PCDHA1: variants seen among roughly 807,000 people sequenced by gnomAD.
PCDHA1 encodes protocadherin alpha 1.
PCDHA1 carries 42 observed loss-of-function variants against 61.3 expected under a neutral mutation model. The observed-to-expected ratio is 0.69, with a 90% CI of 0.54 to 0.89. PCDHA1 has a LOEUF of 0.89. Among genes scored for constraint, PCDHA1 ranks in the 40% least tolerant of loss-of-function variants. PCDHA1 has a pLI of 0.00. For synonymous variants in PCDHA1, 610 were observed against 553.8 expected (o/e 1.10, Z -1.43); for missense variants, 1,256 against 1,235.3 (o/e 1.02, Z -0.25).
chr5:140,823,259 A>T, intron 1 of PCDHA1: 10 of 1,613,038 alleles, frequency 6.2e-6, no homozygotes, highest in Non-Finnish European at 8.5e-6. Context: ...TCGCTGGTGG[A>T]GCGGCGGGTG....
intron 1 of PCDHA1, among the ~76,000 whole-genome samples, chr5:140,975,613 A>G (rs1482474647): frequency 1.3e-5 from 2 of 152,226 alleles, no homozygotes; most frequent in Non-Finnish European, 2.9e-5. Context: ...TGTCTTCCAC[A>G]TGGATTTCCA....
Position 140,853,606 on chromosome 5 carries a change from G to T in PCDHA1, c.2394+64922G>T. 3.0e-6 allele frequency: 3 copies of T among 987,448 alleles called. 1 individual carries two copies. The highest frequency in any genetic ancestry group is 3.7e-6 in the Non-Finnish European group (3 of 819,684). The allele number at this position is 987,448 out of a possible 1,614,324, so 61.2% of individuals were successfully genotyped here. A position where few individuals can be genotyped will look rare whatever the true frequency, so the allele number is the denominator to read the frequency against. On this transcript the variant is annotated intron_variant, in intron 1 of 3. Coordinates refer to ENST00000504120, the MANE Select transcript of PCDHA1 (RefSeq NM_018900.4). ...CTTAGACACTTTGAGAGCAAAGGGG[G>T]TGCTGTAAATAAGTATACAAGATCA...
rs782268949 is a variant in PCDHA1, at chr5:140,797,186, G to A, written c.2394+8502G>A. 3.7e-6 allele frequency: 6 copies of A among 1,614,172 alleles called. No individual in the cohort carries two copies. In the South Asian group the frequency reaches 6.6e-5, roughly 18 times the overall value. On this transcript the variant is annotated intron_variant, in intron 1 of 3. Transcript: ENST00000504120. ...GCGCCAGGAAAGCCCACGCTGGTGT[G>A]CTCCAGCGCCGTGGGGAGCTGGTCT...
At chr5:140,927,524 C>T in intron 1 of PCDHA1, 3 of 1,614,104 alleles carry the variant, frequency 1.9e-6, no homozygotes, top group Non-Finnish European at 2.5e-6. Flanking sequence ...GGCGGGCTAC[C>T]TGCCCGCTCA....
chr5:140,863,392 C>A (rs782692076), intron 1 of PCDHA1: 3 of 921,584 alleles, frequency 3.3e-6, no homozygotes, highest in Non-Finnish European at 3.4e-6. Context: ...CTCGTGCATG[C>A]CGGGCAAGCC....
At chr5:140,843,880 A>G in intron 1 of PCDHA1, 1 of 739,104 alleles carries the variant, frequency 1.4e-6, no homozygotes, top group Admixed American at 3.0e-5. Flanking sequence ...CAGTGGCATA[A>G]TACAGTATTA....
chr5:140,900,618 C>A (rs1382793608), intron 1 of PCDHA1, among the ~76,000 whole-genome samples: 1 of 152,180 alleles, frequency 6.6e-6, no homozygotes, highest in Non-Finnish European at 1.5e-5. Context: ...ATGTAGATTG[C>A]TTCCAAATCT....
At chr5:140,915,266 C>T (rs1554196835) in intron 1 of PCDHA1, among the ~76,000 whole-genome samples, 1 of 151,940 alleles carries the variant, frequency 6.6e-6, no homozygotes, top group Non-Finnish European at 1.5e-5. Context: ...TTATTTTTGA[C>T]CAGTTCATCA....
At chr5:140,967,046 C>T in intron 1 of PCDHA1, 1 of 1,612,334 alleles carries the variant, frequency 6.2e-7, no homozygotes, top group African/African-American at 1.3e-5. Context: ...GGAGCTGGAC[C>T]TGACGAGTGG....
intron 1 of PCDHA1, chr5:140,808,623 C>T (rs1181544885): frequency 6.2e-7 from 1 of 1,613,574 alleles, no homozygotes; most frequent in Non-Finnish European, 8.5e-7. Context: ...ACTGTGTCTG[C>T]GTGGGACGCG....
intron 1 of PCDHA1, among the ~76,000 whole-genome samples, chr5:140,820,967 C>T (rs960762202): frequency 6.6e-6 from 1 of 151,658 alleles, no homozygotes; most frequent in African/African-American, 2.4e-5. Flanking sequence ...TGAGTCAATA[C>T]AAAAAGTAGA....
At chr5:140,830,934 C>A in intron 1 of PCDHA1, 1 of 152,356 alleles carries the variant, frequency 6.6e-6, no homozygotes, top group Admixed American at 6.5e-5. Context: ...TCTGTCGACA[C>A]TTTTATTAAG....
intron 1 of PCDHA1, chr5:140,847,725 G>A (rs1003517180): frequency 2.0e-5 from 3 of 149,656 alleles, no homozygotes; most frequent in Non-Finnish European, 4.5e-5. Flanking sequence ...CTACAAAAGA[G>A]AAAAATATAT....
intron 1 of PCDHA1, chr5:140,829,933 G>A (rs1554132408): frequency 3.7e-6 from 6 of 1,613,652 alleles, no homozygotes; most frequent in East Asian, 2.2e-5. Context: ...TGCAGCCCCC[G>A]GCAAGCAGCG....
chr5:140,895,170 T>C (rs2064890754), intron 1 of PCDHA1, among the ~76,000 whole-genome samples: 1 of 152,176 alleles, frequency 6.6e-6, no homozygotes, highest in Admixed American at 6.5e-5. Flanking sequence ...TCCAATCTAT[T>C]TGTAGTCCCT....
chr5:140,967,707 C>G, intron 1 of PCDHA1: 1 of 1,614,158 alleles, frequency 6.2e-7, no homozygotes, highest in Non-Finnish European at 8.5e-7. Flanking sequence ...GATGCCAGTA[C>G]CGGGGAAGTG....
chr5:140,905,170 G>A (rs1350085385), intron 1 of PCDHA1, among the ~76,000 whole-genome samples: 1 of 152,188 alleles, frequency 6.6e-6, no homozygotes, highest in Non-Finnish European at 1.5e-5. Context: ...ATGGTTTCAG[G>A]TTTTAGATTT....
intron 1 of PCDHA1, among the ~76,000 whole-genome samples, chr5:140,948,075 T>C (rs1554218432): frequency 1.3e-5 from 2 of 151,684 alleles, no homozygotes; most frequent in Non-Finnish European, 3.0e-5. Flanking sequence ...AATTTTCTTT[T>C]AATCTATTGA....
chr5:140,999,814 G>A (rs143341016), intron 3 of PCDHA1, among the ~76,000 whole-genome samples: 1 of 152,286 alleles, frequency 6.6e-6, no homozygotes, highest in African/African-American at 2.4e-5. Context: ...CAAAGCAAGA[G>A]CTGTGGCTTT....
Sources: gnomAD v4.1 joint callset for allele counts (sites outside exome capture counted in the v4.1 genomes callset) on GRCh38, gnomAD v4.1.1 for gene constraint, MANE v1.5 for transcripts, NCBI Gene and HGNC (gene_info 2026-07-23, HGNC 2026-07-21) for gene names.